Variants in KCNQ3 observed in about 807,000 individuals in gnomAD.
The protein encoded by KCNQ3 is potassium voltage-gated channel subfamily KQT member 3.
In KCNQ3, 30 loss-of-function variants were observed where a neutral mutation model predicts 92.5. The ratio of observed to expected loss-of-function variants is 0.32; its 90% CI spans 0.24 to 0.44. KCNQ3 has a LOEUF of 0.44. Among genes scored for constraint, KCNQ3 ranks in the 20% least tolerant of loss-of-function variants. KCNQ3 has a pLI of 1.00. For missense variants in KCNQ3, 913 were observed against 1,140.3 expected (o/e 0.80, Z 2.87); for synonymous variants, 450 against 468.8 (o/e 0.96, Z 0.52).
intron 1 of KCNQ3, among the ~76,000 whole-genome samples, chr8:132,423,320 C>T (rs1821021745): frequency 6.6e-6 from 1 of 152,218 alleles, no homozygotes; most frequent in Non-Finnish European, 1.5e-5. Context: ...AACCCAATCC[C>T]ATTGAGTTGG....
chr8:132,133,710 C>T (rs1473657545), intron 13 of KCNQ3, among the ~76,000 whole-genome samples: 3 of 152,200 alleles, frequency 2.0e-5, no homozygotes, highest in Admixed American at 1.3e-4. Flanking sequence ...AACTCCCTCA[C>T]TCATTGTGTT....
chr8:132,320,651 TCCTGGA>T (rs1294122298), intron 1 of KCNQ3, among the ~76,000 whole-genome samples: 1 of 152,044 alleles, frequency 6.6e-6, no homozygotes, highest in Non-Finnish European at 1.5e-5. Context: ...GAACTTGATC[TCCTGGA>T]AGGAAATCTA....
chr8:132,202,098 C>T (rs990384417), intron 1 of KCNQ3, among the ~76,000 whole-genome samples: 7 of 152,132 alleles, frequency 4.6e-5, no homozygotes, highest in African/African-American at 1.7e-4. Flanking sequence ...CCAATTGGGT[C>T]ATGGCTGGGG....
chr8:132,428,148 C>T (rs1382125895), intron 1 of KCNQ3, among the ~76,000 whole-genome samples: 3 of 152,060 alleles, frequency 2.0e-5, no homozygotes, highest in Non-Finnish European at 4.4e-5. Context: ...TCTCAATACC[C>T]ATCTTCCTCT....
intron 1 of KCNQ3, among the ~76,000 whole-genome samples, chr8:132,348,035 C>A (rs961626193): frequency 1.3e-5 from 2 of 150,020 alleles, no homozygotes; most frequent in Admixed American, 6.6e-5. Flanking sequence ...GGGGAGCAGA[C>A]CTTGAGGATG....
intron 4 of KCNQ3, among the ~76,000 whole-genome samples, chr8:132,175,872 C>T (rs1378882475): frequency 6.6e-6 from 1 of 152,214 alleles, no homozygotes; most frequent in African/African-American, 2.4e-5. Context: ...AATATCACAG[C>T]TCAAGAGGCT....
intron 1 of KCNQ3, among the ~76,000 whole-genome samples, chr8:132,361,558 C>G (rs1229747181): frequency 6.6e-6 from 1 of 151,796 alleles, no homozygotes; most frequent in African/African-American, 2.4e-5. Flanking sequence ...AGAAATCTTC[C>G]TCATAAAGTA....
chr8:132,291,637 A>G (rs1413365260), intron 1 of KCNQ3, among the ~76,000 whole-genome samples: 1 of 152,222 alleles, frequency 6.6e-6, no homozygotes, highest in Non-Finnish European at 1.5e-5. Context: ...TACTTATGAT[A>G]AAATCCACAT....
At chr8:132,227,892 C>T (rs1364550116) in intron 1 of KCNQ3, among the ~76,000 whole-genome samples, 2 of 152,172 alleles carry the variant, frequency 1.3e-5, no homozygotes, top group African/African-American at 4.8e-5. Flanking sequence ...CTTCACAGAA[C>T]CTGAGTTCTG....
At chr8:132,454,646 G>T (rs3857927) in intron 1 of KCNQ3, among the ~76,000 whole-genome samples, 14,522 of 152,006 alleles carry the variant, frequency 0.096, 1,052 homozygotes, top group East Asian at 0.24. Flanking sequence ...CCTTTCCCCC[G>T]ACTGACCACC....
chr8:132,355,205 G>C (rs963839571), intron 1 of KCNQ3, among the ~76,000 whole-genome samples: 1 of 152,068 alleles, frequency 6.6e-6, no homozygotes, highest in Admixed American at 6.6e-5. Flanking sequence ...GGCTCAATGT[G>C]CATAAATTAC....
chr8:132,383,983 G>C (rs926426994), intron 1 of KCNQ3, among the ~76,000 whole-genome samples: 1 of 151,928 alleles, frequency 6.6e-6, no homozygotes, highest in Non-Finnish European at 1.5e-5. Context: ...GCTACAATTT[G>C]CTGTAATGCA....
intron 1 of KCNQ3, among the ~76,000 whole-genome samples, chr8:132,385,796 C>T (rs1819874727): frequency 6.6e-6 from 1 of 151,582 alleles, no homozygotes; most frequent in Admixed American, 6.6e-5. Flanking sequence ...TAGCAAAAAA[C>T]AAAAAATATA....
At chr8:132,177,911 A>G (rs573125230) in intron 4 of KCNQ3, among the ~76,000 whole-genome samples, 6 of 152,252 alleles carry the variant, frequency 3.9e-5, no homozygotes, top group Non-Finnish European at 8.8e-5. Context: ...GAGTCTAACA[A>G]CAGCCTGTAA....
At chr8:132,383,803 C>T (rs945964858) in intron 1 of KCNQ3, among the ~76,000 whole-genome samples, 2 of 152,148 alleles carry the variant, frequency 1.3e-5, no homozygotes, top group Non-Finnish European at 2.9e-5. Flanking sequence ...AAGATCAGAT[C>T]GGCCTCTGAG....
At chr8:132,321,231 C>A (rs1817884499) in intron 1 of KCNQ3, among the ~76,000 whole-genome samples, 2 of 152,202 alleles carry the variant, frequency 1.3e-5, no homozygotes, top group Non-Finnish European at 2.9e-5. Context: ...GTTTCCCAAA[C>A]CAATCCCTCA....
At chr8:132,213,603 G>T (rs961600384) in intron 1 of KCNQ3, among the ~76,000 whole-genome samples, 1 of 152,172 alleles carries the variant, frequency 6.6e-6, no homozygotes, top group Non-Finnish European at 1.5e-5. Context: ...TGAGCTGATG[G>T]CAGAGCTCAC....
At chr8:132,456,431 T>C (rs1450467606) in intron 1 of KCNQ3, among the ~76,000 whole-genome samples, 1 of 151,324 alleles carries the variant, frequency 6.6e-6, no homozygotes, top group Non-Finnish European at 1.5e-5. Flanking sequence ...TGACACTAAT[T>C]AATGTTCCAA....
At chr8:132,395,910 C>G (rs1215574945) in intron 1 of KCNQ3, among the ~76,000 whole-genome samples, 2 of 152,200 alleles carry the variant, frequency 1.3e-5, no homozygotes, top group Admixed American at 1.3e-4. Context: ...AGCAGAGACT[C>G]TTGTTTTCCA....
Sources: gnomAD v4.1 joint callset for allele counts (sites outside exome capture counted in the v4.1 genomes callset) on GRCh38, gnomAD v4.1.1 for gene constraint, MANE v1.5 for transcripts, NCBI Gene and HGNC (gene_info 2026-07-23, HGNC 2026-07-21) for gene names.